CNTNAP2: variants seen among roughly 807,000 people sequenced by gnomAD.
CNTNAP2 encodes contactin associated protein 2.
A neutral mutation model predicts 155.2 loss-of-function variants in CNTNAP2; 98 were observed. The ratio of observed to expected loss-of-function variants is 0.63; its 90% CI spans 0.54 to 0.75. The LOEUF is 0.75. Ranked by LOEUF, CNTNAP2 falls within the 30% of genes least tolerant of loss-of-function variation. The probability of loss-of-function intolerance (pLI) is 0.00; values close to 1 mark genes in which losing one functional copy is unlikely to be tolerated. For synonymous variants in CNTNAP2, 651 were observed against 631.2 expected (o/e 1.03, Z -0.47); for missense variants, 1,727 against 1,688.1 (o/e 1.02, Z -0.40).
rs1796099064 is a variant in CNTNAP2, at chr7:146,426,729, A to G, written c.97+309756A>G. ...GAGATATTGGAGACGTGTTGTTCAA[A>G]CGACACAAAATATCAGTTAGACAAG... On this transcript the variant is annotated intron_variant, in intron 1 of 23. Transcript: ENST00000361727. Among the ~76,000 whole-genome samples, 4 of 152,010 alleles carry G rather than the reference A, an allele frequency of 2.6e-5. No individual in the cohort carries two copies. In the South Asian group the frequency reaches 8.3e-4, roughly 32 times the overall value.
At chr7:147,167,436 G>A (rs557204956) in intron 8 of CNTNAP2, 8 of 1,347,870 alleles carry the variant, frequency 5.9e-6, no homozygotes, top group South Asian at 1.2e-5. Context: ...GAAGCTCATT[G>A]GAGACCCTAA....
chr7:146,713,847 CTATT>C (rs1320985049), intron 1 of CNTNAP2, among the ~76,000 whole-genome samples: 4 of 152,090 alleles, frequency 2.6e-5, no homozygotes, highest in Non-Finnish European at 5.9e-5. Flanking sequence ...CTTAACTTCT[CTATT>C]TATGTCATCA....
intron 9 of CNTNAP2, among the ~76,000 whole-genome samples, chr7:147,382,201 T>C (rs1395607037): frequency 6.6e-6 from 1 of 152,100 alleles, no homozygotes; most frequent in East Asian, 1.9e-4. Flanking sequence ...AATTCCTGAG[T>C]TTGTTTTATT....
intron 13 of CNTNAP2, among the ~76,000 whole-genome samples, chr7:147,848,560 C>T (rs182255472): frequency 6.6e-6 from 1 of 151,552 alleles, no homozygotes; most frequent in Non-Finnish European, 1.5e-5. Flanking sequence ...CCGTCTTCTG[C>T]GTCACTCACG....
intron 16 of CNTNAP2, among the ~76,000 whole-genome samples, chr7:148,127,615 G>T (rs1383662595): frequency 6.6e-6 from 1 of 152,182 alleles, no homozygotes; most frequent in African/African-American, 2.4e-5. Flanking sequence ...GCTCAAGAAA[G>T]TCAGAAGAAA....
chr7:147,646,316 G>A (rs1429353543), intron 13 of CNTNAP2, among the ~76,000 whole-genome samples: 3 of 152,158 alleles, frequency 2.0e-5, no homozygotes, highest in Admixed American at 2.0e-4. Flanking sequence ...TGGTCACTTA[G>A]CTTTAACATG....
intron 21 of CNTNAP2, among the ~76,000 whole-genome samples, chr7:148,287,650 T>C (rs546584140): frequency 1.3e-5 from 2 of 152,198 alleles, no homozygotes; most frequent in Admixed American, 1.3e-4. Flanking sequence ...TTCATGCTTC[T>C]GGAGGCTGGG....
intron 16 of CNTNAP2, among the ~76,000 whole-genome samples, chr7:148,136,029 G>GGAAGGAAGGAAGGAAGGAAGGAAAGA (rs1804939420): frequency 1.9e-5 from 1 of 51,436 alleles, no homozygotes; most frequent in African/African-American, 9.5e-5. Context: ...GGGAGGGAGG[G>GGAAGGAAGGAAGGAAGGAAGGAAAGA]AGGGAGGGAG....
intron 12 of CNTNAP2, among the ~76,000 whole-genome samples, chr7:147,572,892 T>C (rs1049925081): frequency 6.6e-6 from 1 of 152,168 alleles, no homozygotes; most frequent in Non-Finnish European, 1.5e-5. Flanking sequence ...TTTAGGTTTT[T>C]CCAATTTGTG....
At chr7:148,200,003 A>G (rs7807073) in intron 18 of CNTNAP2, among the ~76,000 whole-genome samples, 1,890 of 152,334 alleles carry the variant, frequency 0.012, 33 homozygotes, top group African/African-American at 0.043. Flanking sequence ...ATGTCCCAGC[A>G]CAAGAGAGGG....
intron 15 of CNTNAP2, among the ~76,000 whole-genome samples, chr7:148,053,481 T>G (rs1230378392): frequency 6.6e-6 from 1 of 152,212 alleles, no homozygotes; most frequent in African/African-American, 2.4e-5. Flanking sequence ...TGTATAATTT[T>G]AAATATTGGC....
At chr7:147,226,095 A>G (rs1803537379) in intron 8 of CNTNAP2, among the ~76,000 whole-genome samples, 1 of 152,212 alleles carries the variant, frequency 6.6e-6, no homozygotes, top group Admixed American at 6.5e-5. Flanking sequence ...CAATTCTAAT[A>G]TCAGCACTTA....
chr7:146,634,553 G>A (rs1799566895), intron 1 of CNTNAP2, among the ~76,000 whole-genome samples: 1 of 152,046 alleles, frequency 6.6e-6, no homozygotes, highest in South Asian at 2.1e-4. Flanking sequence ...TTTTACCCCT[G>A]ATCAGATGAT....
At chr7:147,132,568 G>A (rs1472936670) in intron 8 of CNTNAP2, 59 bp downstream of exon 8, 1 of 1,606,656 alleles carries the variant, frequency 6.2e-7, no homozygotes, top group Non-Finnish European at 8.5e-7. Flanking sequence ...CAGAGTTAAT[G>A]TTGTGCTTTG....
Position 147,307,191 on chromosome 7 carries a change from G to A in CNTNAP2, c.1498+6901G>A, listed in dbSNP as rs78884976. Among the ~76,000 whole-genome samples the A allele has an allele frequency of 7.2e-3, 1,098 of 152,180 alleles. 15 individuals are homozygous for A. The highest frequency in any genetic ancestry group is 0.025 in the African/African-American group (1,042 of 41,524). On this transcript the variant is annotated intron_variant, in intron 9 of 23. Transcript: ENST00000361727. ...AAGAGAACACCACTGGCACCCCATCGATATACATTAAATCCCTTAGCAGCA... is the reference window on the plus strand; with the variant it reads ...AAGAGAACACCACTGGCACCCCATCAATATACATTAAATCCCTTAGCAGCA...
intron 8 of CNTNAP2, among the ~76,000 whole-genome samples, chr7:147,297,321 A>AG (rs1191933642): frequency 8.6e-6 from 1 of 115,610 alleles, no homozygotes. Context: ...TTTTAACTTT[A>AG]GGGTTTTTTT....
intron 13 of CNTNAP2, 87 bp downstream of exon 13, chr7:147,639,393 A>AT: frequency 7.9e-7 from 1 of 1,259,600 alleles, no homozygotes; most frequent in Admixed American, 1.9e-5. Context: ...GTGGTTCATT[A>AT]TCTTATAGTC....
At chr7:146,790,155 A>G (rs1343453709) in intron 2 of CNTNAP2, among the ~76,000 whole-genome samples, 1 of 152,182 alleles carries the variant, frequency 6.6e-6, no homozygotes, top group Non-Finnish European at 1.5e-5. Flanking sequence ...TATTAAATAA[A>G]GTAAAGCAAA....
At chr7:146,666,705 A>C (rs965053911) in intron 1 of CNTNAP2, among the ~76,000 whole-genome samples, 1 of 152,182 alleles carries the variant, frequency 6.6e-6, no homozygotes, top group Non-Finnish European at 1.5e-5. Context: ...CTGGGGTCAG[A>C]TGCTATCACA....
Sources: gnomAD v4.1 joint callset for allele counts (sites outside exome capture counted in the v4.1 genomes callset) on GRCh38, gnomAD v4.1.1 for gene constraint, MANE v1.5 for transcripts, NCBI Gene and HGNC (gene_info 2026-07-23, HGNC 2026-07-21) for gene names.